The following MAST4 variants were observed in gnomAD, a reference collection of about 807,000 sequenced individuals.
The protein encoded by MAST4 is microtubule-associated serine/threonine-protein kinase 4.
In MAST4, 89 loss-of-function variants were observed where a neutral mutation model predicts 162.7. The observed-to-expected ratio is 0.55, with a 90% CI of 0.46 to 0.65. MAST4 has a LOEUF of 0.65. MAST4 is among the 30% of genes least tolerant of loss of function. MAST4 has a pLI of 0.00. For synonymous variants in MAST4, 1,479 were observed against 1,361.1 expected, an observed-to-expected ratio of 1.09 and a Z score of -1.91; for missense variants, 3,153 against 3,374.0, an observed-to-expected ratio of 0.93 and a Z score of 1.62.
At chr5:66,678,944 A>ACC (rs905409739) in intron 1 of MAST4, among the ~76,000 whole-genome samples, 10 of 152,078 alleles carry the variant, frequency 6.6e-5, no homozygotes, top group Admixed American at 2.0e-4. Flanking sequence ...GGCATGCACC[A>ACC]CCATACCCTG....
intron 3 of MAST4, among the ~76,000 whole-genome samples, chr5:66,810,871 G>A (rs746602330): frequency 2.0e-5 from 3 of 152,236 alleles, no homozygotes; most frequent in Non-Finnish European, 4.4e-5. Flanking sequence ...GTAGCAAAGT[G>A]AGATGGGAAA....
intron 6 of MAST4, among the ~76,000 whole-genome samples, chr5:67,090,446 G>A (rs950375836): frequency 1.5e-4 from 5 of 32,844 alleles, no homozygotes; most frequent in Admixed American, 2.7e-4. Context: ...CCCCCTCCCC[G>A]CTTCTCCCCC....
At chr5:66,644,664 A>C (rs1219719806) in intron 1 of MAST4, among the ~76,000 whole-genome samples, 1 of 152,158 alleles carries the variant, frequency 6.6e-6, no homozygotes, top group Non-Finnish European at 1.5e-5. Context: ...CAGTCTCCCA[A>C]ATAGGGTTCT....
intron 1 of MAST4, among the ~76,000 whole-genome samples, chr5:66,756,241 G>A (rs1187685235): frequency 6.6e-6 from 1 of 152,176 alleles, no homozygotes; most frequent in Non-Finnish European, 1.5e-5. Flanking sequence ...AACTAACGTA[G>A]GAAATTTTAA....
At chr5:66,803,938 G>A (rs1756047984) in intron 3 of MAST4, among the ~76,000 whole-genome samples, 1 of 150,944 alleles carries the variant, frequency 6.6e-6, no homozygotes, top group Non-Finnish European at 1.5e-5. Flanking sequence ...AATGCTATGG[G>A]CTTTTTTTTT....
intron 1 of MAST4, among the ~76,000 whole-genome samples, chr5:66,697,085 A>G (rs1749455231): frequency 6.6e-6 from 1 of 152,242 alleles, no homozygotes; most frequent in South Asian, 2.1e-4. Context: ...AGATGTAGAC[A>G]TTTGGCAGAC....
At chr5:67,140,604 C>G in intron 19 of MAST4, among the ~76,000 whole-genome samples, 1 of 152,242 alleles carries the variant, frequency 6.6e-6, no homozygotes, top group African/African-American at 2.4e-5. Flanking sequence ...TTAGGCAGGC[C>G]TAGGTTCAGC....
At chr5:67,018,819 T>A (rs116358714) in intron 4 of MAST4, among the ~76,000 whole-genome samples, 1 of 152,206 alleles carries the variant, frequency 6.6e-6, no homozygotes, top group African/African-American at 2.4e-5. Context: ...AAATAACTTA[T>A]CATGTTCTTC....
At chr5:66,629,499 T>G (rs1367576271) in intron 1 of MAST4, among the ~76,000 whole-genome samples, 2 of 152,234 alleles carry the variant, frequency 1.3e-5, no homozygotes, top group African/African-American at 2.4e-5. Context: ...TTTAAGATTT[T>G]GAACCATTTC....
At chr5:66,880,204 A>T (rs1425727947) in intron 3 of MAST4, among the ~76,000 whole-genome samples, 1 of 152,198 alleles carries the variant, frequency 6.6e-6, no homozygotes, top group East Asian at 1.9e-4. Context: ...TTTGCTGTAA[A>T]AGTAGGAGGG....
intron 3 of MAST4, among the ~76,000 whole-genome samples, chr5:66,881,639 T>C (rs527759990): frequency 3.3e-5 from 5 of 152,332 alleles, no homozygotes; most frequent in South Asian, 2.1e-4. Flanking sequence ...CAAAGACTTG[T>C]GTAACAGGAA....
chr5:66,744,123 C>G (rs1385068904), intron 1 of MAST4, among the ~76,000 whole-genome samples: 1 of 152,044 alleles, frequency 6.6e-6, no homozygotes, highest in Non-Finnish European at 1.5e-5. Context: ...AGAAATAAAG[C>G]TGATAAGATA....
chr5:66,782,897 A>C (rs1327729049), intron 2 of MAST4, among the ~76,000 whole-genome samples: 1 of 152,224 alleles, frequency 6.6e-6, no homozygotes, highest in Non-Finnish European at 1.5e-5. Context: ...CACACTTTTT[A>C]GAGGCTCTTG....
rs1742213871 is a variant in MAST4 at position 66,596,913 on chromosome 5, G to A, written c.258G>A (p.Val86=). ...CCGCCGCGTGGGCTCCGGCAAGCGT[G>A]CTGCTGGAGCGCGGAGTCCTTGCGC... ...RAPAAWAPAS[V]LLERGVLALP... The change falls in exon 1 of 29, where the codon GTG becomes GTA. Residue 86 remains valine, a synonymous_variant. Transcript: ENST00000403625. The A allele has an allele frequency of 2.3e-6, 3 of 1,299,318 alleles. No individual in the cohort carries two copies. The highest frequency in any genetic ancestry group is 2.9e-6 in the Non-Finnish European group (3 of 1,023,724). 80.5% of individuals were successfully genotyped at this position (1,299,318 alleles called of 1,614,324 possible).
intron 4 of MAST4, among the ~76,000 whole-genome samples, chr5:66,927,748 T>C (rs1042406354): frequency 1.3e-5 from 2 of 152,184 alleles, no homozygotes; most frequent in Admixed American, 1.3e-4. Flanking sequence ...TTTCCTAGGG[T>C]TGCCATGACA....
At chr5:67,115,461 T>G (rs778379969) in intron 12 of MAST4, among the ~76,000 whole-genome samples, 1 of 152,242 alleles carries the variant, frequency 6.6e-6, no homozygotes, top group Non-Finnish European at 1.5e-5. Flanking sequence ...GTATCTTTGC[T>G]TCCAGTGAAA....
chr5:66,822,232 G>A (rs1170228260), intron 3 of MAST4, among the ~76,000 whole-genome samples: 1 of 152,050 alleles, frequency 6.6e-6, no homozygotes, highest in African/African-American at 2.4e-5. Flanking sequence ...TCAGAGTTGG[G>A]GTTTTTCCTC....
rs1773305718 is a variant in MAST4 at position 67,162,515 on chromosome 5, C to T, written c.3786-92C>T. On this transcript the variant is annotated intron_variant, in intron 27 of 28. Coordinates refer to ENST00000403625, the MANE Select transcript of MAST4 (RefSeq NM_001164664.2). Reference sequence around the variant, plus strand: ...TCTGCTGTTGTATCCCTGTCCCTCACACGGAGTTATTGAGCTGAGCACAAT... The same window carrying T: ...TCTGCTGTTGTATCCCTGTCCCTCATACGGAGTTATTGAGCTGAGCACAAT... 3.4e-6 allele frequency: 4 copies of T among 1,167,382 alleles called. No individual in the cohort carries two copies. The Admixed American group carries it at 7.8e-5, about 23-fold the overall frequency. The allele number at this position is 1,167,382 out of a possible 1,614,324, so 72.3% of individuals were successfully genotyped here.
At chr5:66,982,358 C>T (rs1000290603) in intron 4 of MAST4, among the ~76,000 whole-genome samples, 10 of 152,166 alleles carry the variant, frequency 6.6e-5, no homozygotes, top group African/African-American at 2.4e-4. Context: ...TCTCACTTGG[C>T]ATGGAGGGTC....
Sources: gnomAD v4.1 joint callset for allele counts (sites outside exome capture counted in the v4.1 genomes callset) on GRCh38, gnomAD v4.1.1 for gene constraint, MANE v1.5 for transcripts, NCBI Gene and HGNC (gene_info 2026-07-23, HGNC 2026-07-21) for gene names.